Variants in ZNF707 observed in about 807,000 individuals in gnomAD.
ZNF707 encodes the protein zinc finger protein 707.
A neutral mutation model predicts 13.3 loss-of-function variants in ZNF707; 8 were observed. The observed-to-expected ratio is 0.60, with a 90% CI of 0.35 to 1.09. ZNF707 has a LOEUF of 1.09. Ranked by LOEUF, ZNF707 falls within the 50% of genes least tolerant of loss-of-function variation. The pLI, the probability that ZNF707 is intolerant of heterozygous loss-of-function variation, is 0.02. For synonymous variants in ZNF707, 225 were observed against 205.6 expected (o/e 1.09, Z -0.81); for missense variants, 530 against 512.6 (o/e 1.03, Z -0.33).
At chr8:143,685,505 G>C (rs1554611691) in intron 1 of ZNF707, among the ~76,000 whole-genome samples, 3 of 145,144 alleles carry the variant, frequency 2.1e-5, no homozygotes. Flanking sequence ...CAGCCTGGGC[G>C]ACAGAGCGAG....
Position 143,691,580 on chromosome 8 carries a change from CTT to C in ZNF707, c.143-17_143-16del, listed in dbSNP as rs782640853. 1 of 1,584,180 alleles carries C rather than the reference CTT, an allele frequency of 6.3e-7. No individual in the cohort carries two copies. On this transcript the variant is annotated intron_variant, in intron 4 of 5. Transcript: ENST00000358656. ...GTCCTCAGTACAAGTAAAACAGAAA[CTT>C]TTCTCTCCTTTGAGAAGGATTTTGC...
chr8:143,690,084 C>T lies in ZNF707; in HGVS notation c.-25C>T, dbSNP rs1816663638. The T allele has an allele frequency of 6.2e-7, 1 of 1,609,186 alleles. No individual in the cohort carries two copies. Among genetic ancestry groups the T allele is most frequent in the African/African-American group, 1.3e-5 (1 of 75,046 alleles). ...CTGCCCTCCTTGGCACTGTGCTTCC[C>T]CAGAGGGGTGGCCTCGCTGTTCCCA... is the stretch of plus-strand genomic sequence containing the variant. On this transcript the variant is annotated 5_prime_UTR_variant, in exon 3 of 6. Transcript: ENST00000358656.
intron 2 of ZNF707, 33 bp from the exon 3 acceptor site, chr8:143,690,024 G>A (rs1816658577): frequency 1.4e-5 from 22 of 1,587,882 alleles, no homozygotes; most frequent in Admixed American, 3.3e-5. Context: ...TTCCCAGGCC[G>A]GCTATACCCG....
At chr8:143,691,852 C>T in intron 5 of ZNF707, 139 bp downstream of exon 5, 3 of 970,676 alleles carry the variant, frequency 3.1e-6, no homozygotes, top group South Asian at 3.1e-5. Context: ...CTAAATTAGA[C>T]AGGCATTAGA....
In ZNF707 at chr8:143,694,563, CG is replaced by C; in HGVS notation, c.*36del. On this transcript the variant is annotated 3_prime_UTR_variant, in exon 6 of 6. Transcript: ENST00000358656. This position sits in a 1 kb window ranked among gnomAD's most constrained non-coding sequence, Gnocchi z 4.4. ...CGAAGAGTGGGGTGCTGCGCCTCTG[CG>C]GGAGTACTGGGTCCTGAGGGAGAGC... The C allele has an allele frequency of 6.5e-7, 1 of 1,550,386 alleles. No homozygotes were observed. Among genetic ancestry groups the C allele is most frequent in the East Asian group, 2.3e-5 (1 of 43,982 alleles).
At position 143,693,648 on chromosome 8, in the gene ZNF707, A is replaced by G. The variant is rs782599761; in HGVS notation, c.257-23A>G. The G allele has an allele frequency of 4.5e-6, 7 of 1,546,430 alleles. No individual in the cohort carries two copies. Among genetic ancestry groups the G allele is most frequent in the Non-Finnish European group, 5.2e-6 (6 of 1,149,320 alleles). On this transcript the variant is annotated intron_variant, in intron 5 of 5. Transcript: ENST00000358656. The surrounding 1 kb of genome is among the most constrained non-coding windows in gnomAD (Gnocchi z 4.1). Reference sequence around the variant, plus strand: ...TGGCTGTGGGCCACTGGCTCTGTGTAAGGGTGTCTGTTCCTTCCACAGGGG... The same window carrying G: ...TGGCTGTGGGCCACTGGCTCTGTGTGAGGGTGTCTGTTCCTTCCACAGGGG...
chr8:143,689,996 G>A, intron 2 of ZNF707, 61 bp from the exon 3 acceptor site: 5 of 1,368,606 alleles, frequency 3.7e-6, no homozygotes, highest in Non-Finnish European at 5.1e-6. Flanking sequence ...GGGCTCCTGG[G>A]GTCAGGTGCG....
rs782723306 is a variant in ZNF707 at position 143,694,397 on chromosome 8, C to G, written c.983C>G (p.Pro328Arg). 43 of 1,612,222 alleles carry G rather than the reference C, an allele frequency of 2.7e-5. No homozygotes were observed. In the South Asian group the frequency reaches 4.7e-4, roughly 18 times the overall value. Residue 328 changes from proline to arginine, a missense_variant, in exon 6 of 6, where the codon CCC (proline) becomes CGC (arginine). Coordinates refer to ENST00000358656, the MANE Select transcript of ZNF707 (RefSeq NM_001100598.2). This position sits in a 1 kb window ranked among gnomAD's most constrained non-coding sequence, Gnocchi z 4.4. ...CAECGKSFRW[P>R]KGFSIHRRLH... ...GAGTGCGGCAAGTCCTTCCGGTGGC[C>G]CAAGGGCTTCAGCATCCACCGGAGG... is the stretch of plus-strand genomic sequence containing the variant.
chr8:143,690,154 C>T (rs1380265132), intron 3 of ZNF707, 31 bp downstream of exon 3: 4 of 1,601,778 alleles, frequency 2.5e-6, no homozygotes, highest in Non-Finnish European at 3.4e-6. Context: ...GCGCAGCCTC[C>T]CTTCTGCCCT....
In ZNF707 at chr8:143,692,304, C is replaced by T. The variant is rs782698187; in HGVS notation, c.256+591C>T. The T allele has an allele frequency of 3.9e-6, 5 of 1,289,750 alleles. No homozygotes were observed. In the South Asian group the frequency reaches 4.9e-5, roughly 13 times the overall value. The allele number at this position is 1,289,750 out of a possible 1,614,324, so 79.9% of individuals were successfully genotyped here. ...GGGAGGTCCCCGGGTATGTGGAGTC[C>T]CCGACTGTGGAGTGTCAGGTTCCTA... On this transcript the variant is annotated intron_variant, in intron 5 of 5. Transcript: ENST00000358656.
At chr8:143,690,597 T>C (rs1816716345) in intron 3 of ZNF707, among the ~76,000 whole-genome samples, 1 of 152,100 alleles carries the variant, frequency 6.6e-6, no homozygotes, top group South Asian at 2.1e-4. Flanking sequence ...ATTGGATTCA[T>C]TGACACTAGG....
rs1563731084 is a variant in ZNF707 at position 143,693,960 on chromosome 8, G to C, written c.546G>C (p.Gly182=). The C allele has an allele frequency of 6.2e-7, 1 of 1,600,898 alleles. No homozygotes were observed. Among genetic ancestry groups the C allele is most frequent in the Admixed American group, 1.7e-5 (1 of 58,260 alleles). The part of the protein sequence containing the change: ...VELSFICGTC[G]KALSCHSRLL... The stretch of plus-strand genomic sequence containing the variant: ...TGTCATTCATCTGCGGCACGTGCGG[G>C]AAGGCGCTCAGCTGCCACAGCCGGC... Residue 182 remains glycine, a synonymous_variant, in exon 6 of 6, where the codon GGG becomes GGC. Coordinates refer to ENST00000358656, the MANE Select transcript of ZNF707 (RefSeq NM_001100598.2). This position sits in a 1 kb window ranked among gnomAD's most constrained non-coding sequence, Gnocchi z 4.1.
chr8:143,692,260 C>T lies in ZNF707; in HGVS notation c.256+547C>T. ...ACATTTTCAGAGTGGGATGGAGCAG[C>T]TATGTGAACACGAGCCCTGGGAGGT... On this transcript the variant is annotated intron_variant, in intron 5 of 5. Transcript: ENST00000358656. The T allele has an allele frequency of 3.1e-6, 4 of 1,290,000 alleles. No individual in the cohort carries two copies. The South Asian group carries it at 4.9e-5, about 16-fold the overall frequency. 79.9% of individuals were successfully genotyped at this position (1,290,000 alleles called of 1,614,324 possible).
At chr8:143,686,908 G>C (rs1816334687) in intron 1 of ZNF707, 1 of 120,498 alleles carries the variant, frequency 8.3e-6, no homozygotes, top group Non-Finnish European at 1.8e-5. Flanking sequence ...CTTTGCTTTT[G>C]TTGCCCAGGC....
At position 143,689,202 on chromosome 8, in the gene ZNF707, A is replaced by C. The variant is rs1816570815; in HGVS notation, c.-150-2A>C. 6.6e-6 allele frequency: 1 copy of C among 152,160 alleles called. No individual in the cohort carries two copies. Among genetic ancestry groups the C allele is most frequent in the African/African-American group, 2.4e-5 (1 of 41,394 alleles). The allele number at this position is 152,160 out of a possible 1,614,324, so 9.4% of individuals were successfully genotyped here. A position where few individuals can be genotyped will look rare whatever the true frequency, so the allele number is the denominator to read the frequency against. On this transcript the variant is annotated splice_acceptor_variant, in intron 1 of 5. Transcript: ENST00000358656. LOFTEE classifies it low-confidence loss of function (5UTR_SPLICE). The stretch of plus-strand genomic sequence containing the variant: ...TCATCGAGTTTGTCTGTTTCATCTC[A>C]GTTGCTGAACCTGTTTGCATGAGTT...
intron 1 of ZNF707, among the ~76,000 whole-genome samples, chr8:143,688,388 G>C (rs1156492375): frequency 6.6e-6 from 1 of 152,144 alleles, no homozygotes; most frequent in East Asian, 1.9e-4. Flanking sequence ...GGAGGTGGGA[G>C]GGACGAGGGG....
At chr8:143,692,473 G>T (rs1816916729) in intron 5 of ZNF707, 4 of 344,648 alleles carry the variant, frequency 1.2e-5, no homozygotes, top group Non-Finnish European at 1.6e-5. Context: ...CGGCTGGGGA[G>T]GTGTCGGATC....
At chr8:143,692,176 C>T (rs1816872224) in intron 5 of ZNF707, 1 of 1,294,584 alleles carries the variant, frequency 7.7e-7, no homozygotes, top group Non-Finnish European at 1.0e-6. Flanking sequence ...GCCATGCTTC[C>T]CTCCATTAGG....
At chr8:143,685,611 C>T (rs558924582) in intron 1 of ZNF707, among the ~76,000 whole-genome samples, 1 of 151,050 alleles carries the variant, frequency 6.6e-6, no homozygotes, top group South Asian at 2.1e-4. Flanking sequence ...AGGCTGAGGC[C>T]AGAGGATCTC....
Sources: allele counts gnomAD v4.1 joint callset (sites outside exome capture counted in the v4.1 genomes callset), GRCh38; gene constraint gnomAD v4.1.1; non-coding constraint Gnocchi (gnomAD v3.1); transcripts MANE v1.5; gene names NCBI Gene and HGNC (gene_info 2026-07-23, HGNC 2026-07-21).